PPARGC1B: variants seen among roughly 807,000 people sequenced by gnomAD.
PPARGC1B encodes the protein peroxisome proliferator-activated receptor gamma coactivator 1-beta.
PPARGC1B carries 34 observed loss-of-function variants against 101.6 expected under a neutral mutation model. The observed-to-expected ratio is 0.33, with a 90% CI of 0.25 to 0.45. The LOEUF (loss-of-function observed/expected upper bound fraction) is 0.45, where lower values mean the gene tolerates loss of function less well. PPARGC1B is among the 20% of genes least tolerant of loss of function. PPARGC1B has a pLI of 1.00. For missense variants in PPARGC1B, 1,234 were observed against 1,317.6 expected (o/e 0.94, Z 0.98); for synonymous variants, 548 against 539.3 (o/e 1.02, Z -0.22).
chr5:149,754,369 G>A (rs1404756356), intron 1 of PPARGC1B, among the ~76,000 whole-genome samples: 2 of 152,122 alleles, frequency 1.3e-5, no homozygotes, highest in Non-Finnish European at 2.9e-5. Context: ...CTAGGGTCAG[G>A]GTCCAGACCT....
At chr5:149,813,146 T>C (rs1484007653) in intron 1 of PPARGC1B, among the ~76,000 whole-genome samples, 1 of 152,140 alleles carries the variant, frequency 6.6e-6, no homozygotes, top group Admixed American at 6.5e-5. Flanking sequence ...GATCAGTTAG[T>C]GGTATCGCCA....
intron 1 of PPARGC1B, among the ~76,000 whole-genome samples, chr5:149,750,183 G>C (rs2113116394): frequency 6.6e-6 from 1 of 152,122 alleles, no homozygotes; most frequent in South Asian, 2.1e-4. Flanking sequence ...AGGAACTCCA[G>C]GCAAGAGAAT....
rs552916569 is a variant in PPARGC1B, at chr5:149,787,044, ATC to A, written c.79-33384_79-33383del. Among the ~76,000 whole-genome samples, 624 of 152,310 alleles carry A rather than the reference ATC, an allele frequency of 4.1e-3. 3 individuals are homozygous for A. Among genetic ancestry groups the A allele is most frequent in the African/African-American group, 0.014 (573 of 41,554 alleles). ...AGGTTTAGTTAGATCCAGGAGCTCCATCTCTCAACTCTGCTTTCCTCTGTGAG... is the reference window on the plus strand; with the variant it reads ...AGGTTTAGTTAGATCCAGGAGCTCCATCTCAACTCTGCTTTCCTCTGTGAG... On this transcript the variant is annotated intron_variant, in intron 1 of 11. Transcript: ENST00000309241.
chr5:149,763,214 T>C (rs1232740036), intron 1 of PPARGC1B, among the ~76,000 whole-genome samples: 1 of 152,250 alleles, frequency 6.6e-6, no homozygotes, highest in Non-Finnish European at 1.5e-5. Context: ...CCTGCAGGTC[T>C]CATTCTGGAT....
intron 7 of PPARGC1B, among the ~76,000 whole-genome samples, chr5:149,835,638 T>C (rs1255631810): frequency 6.6e-6 from 1 of 152,198 alleles, no homozygotes; most frequent in African/African-American, 2.4e-5. Flanking sequence ...TTATCTGCGG[T>C]GCCTGCCCCC....
At chr5:149,791,880 A>G (rs989787392) in intron 1 of PPARGC1B, among the ~76,000 whole-genome samples, 1 of 152,240 alleles carries the variant, frequency 6.6e-6, no homozygotes, top group African/African-American at 2.4e-5. Flanking sequence ...GGATTTGTCT[A>G]TAAAAGTTTC....
Position 149,845,494 on chromosome 5 carries a change from A to T in PPARGC1B, c.2817-266A>T, listed in dbSNP as rs561044781. 2.9e-5 allele frequency: 14 copies of T among 475,574 alleles called. No homozygotes were observed. The South Asian group carries it at 5.9e-4, about 20-fold the overall frequency. 29.5% of individuals were successfully genotyped at this position (475,574 alleles called of 1,614,324 possible). ...CCTCATCTGCAAGGTGGAGATAACA[A>T]CAGTACCCACCTCACAGGCTCATCT... On this transcript the variant is annotated intron_variant, in intron 10 of 11. Coordinates refer to ENST00000309241, the MANE Select transcript of PPARGC1B (RefSeq NM_133263.4).
In PPARGC1B at chr5:149,833,264, A is replaced by C; in HGVS notation, c.1191A>C (p.Ala397=). The C allele has an allele frequency of 6.2e-7, 1 of 1,613,344 alleles. No individual in the cohort carries two copies. The highest frequency in any genetic ancestry group is 8.5e-7 in the Non-Finnish European group (1 of 1,179,976). The change falls in exon 5 of 12, where the codon GCA becomes GCC. Residue 397 remains alanine, a synonymous_variant. Transcript: ENST00000309241. The surrounding 1 kb of genome is among the most constrained non-coding windows in gnomAD (Gnocchi z 4.1). ...RPSSVEEVRI[A]ASPKSTGPRP... Reference sequence around the variant, plus strand: ...CCTCGGTGGAGGAGGTAAGGATCGCAGCTTCACCCAAGAGCACCGGGCCCA... The same window carrying C: ...CCTCGGTGGAGGAGGTAAGGATCGCCGCTTCACCCAAGAGCACCGGGCCCA...
intron 1 of PPARGC1B, among the ~76,000 whole-genome samples, chr5:149,814,492 G>A (rs372159070): frequency 4.1e-4 from 63 of 152,158 alleles, no homozygotes; most frequent in African/African-American, 1.2e-3. Context: ...AGGACCAGAG[G>A]GGGGAGGTGA....
chr5:149,778,967 C>T (rs532851358), intron 1 of PPARGC1B, among the ~76,000 whole-genome samples: 2 of 152,226 alleles, frequency 1.3e-5, no homozygotes, highest in East Asian at 1.9e-4. Context: ...GAGGGAGTTT[C>T]GTCACAGACC....
rs370249515 is a variant in PPARGC1B, at chr5:149,816,636, G to A, written c.79-3797G>A. Among the ~76,000 whole-genome samples, 7 of 152,296 alleles carry A rather than the reference G, an allele frequency of 4.6e-5. No individual in the cohort carries two copies. The East Asian group carries it at 7.7e-4, about 17-fold the overall frequency. ...GGTTCCTGGCTAGTCTGGGATTCTG[G>A]GACTCTGGTTCTAAAGCTGTTTCTA... On this transcript the variant is annotated intron_variant, in intron 1 of 11. Transcript: ENST00000309241.
intron 1 of PPARGC1B, among the ~76,000 whole-genome samples, chr5:149,735,957 C>T (rs1754692012): frequency 6.6e-6 from 1 of 152,202 alleles, no homozygotes; most frequent in African/African-American, 2.4e-5. Flanking sequence ...AACCCCGTCT[C>T]TACTAAAAAT....
intron 1 of PPARGC1B, among the ~76,000 whole-genome samples, chr5:149,749,884 G>A (rs1310017021): frequency 4.6e-5 from 7 of 152,140 alleles, no homozygotes; most frequent in Admixed American, 1.3e-4. Context: ...GTTTTGCTTT[G>A]GTAAATTCTG....
chr5:149,811,925 T>C (rs2113328883), intron 1 of PPARGC1B, among the ~76,000 whole-genome samples: 1 of 152,346 alleles, frequency 6.6e-6, no homozygotes, highest in South Asian at 2.1e-4. Context: ...TGGCCCAGCC[T>C]TGGAGCTCAG....
intron 1 of PPARGC1B, among the ~76,000 whole-genome samples, chr5:149,733,873 A>C (rs1179133898): frequency 6.6e-6 from 1 of 152,226 alleles, no homozygotes; most frequent in Non-Finnish European, 1.5e-5. Context: ...CTAACAACTT[A>C]TTTAAAAATA....
At chr5:149,773,407 T>A (rs762411277) in intron 1 of PPARGC1B, among the ~76,000 whole-genome samples, 4 of 152,216 alleles carry the variant, frequency 2.6e-5, no homozygotes, top group Non-Finnish European at 5.9e-5. Context: ...CCTCAGCCAG[T>A]GCTGCCTACA....
At chr5:149,789,889 T>C (rs186423162) in intron 1 of PPARGC1B, among the ~76,000 whole-genome samples, 6 of 152,352 alleles carry the variant, frequency 3.9e-5, no homozygotes, top group Non-Finnish European at 8.8e-5. Flanking sequence ...TGCTGTGGTC[T>C]GTATGTCAGT....
chr5:149,750,451 AAAATAT>A (rs1427052094), intron 1 of PPARGC1B, among the ~76,000 whole-genome samples: 2 of 69,774 alleles, frequency 2.9e-5, no homozygotes, highest in African/African-American at 5.2e-5. Flanking sequence ...TGTTTTAGTT[AAAATAT>A]ATATATATAT....
chr5:149,787,946 A>G (rs1404568631), intron 1 of PPARGC1B, among the ~76,000 whole-genome samples: 2 of 152,210 alleles, frequency 1.3e-5, no homozygotes, highest in East Asian at 1.9e-4. Flanking sequence ...AAAGACTTAA[A>G]TGTTAGACCT....
Sources: gnomAD v4.1 joint callset for allele counts (sites outside exome capture counted in the v4.1 genomes callset) on GRCh38, gnomAD v4.1.1 for gene constraint, Gnocchi (gnomAD v3.1) non-coding constraint, MANE v1.5 for transcripts, NCBI Gene and HGNC (gene_info 2026-07-23, HGNC 2026-07-21) for gene names.